Variants in RBFOX2 observed in about 807,000 individuals in gnomAD.
RBFOX2 encodes RNA binding fox-1 homolog 2.
RBFOX2 carries 10 observed loss-of-function variants against 49.1 expected under a neutral mutation model. That is an observed-to-expected ratio of 0.20 (90% confidence interval 0.13 to 0.35). The LOEUF (loss-of-function observed/expected upper bound fraction) is 0.35, where lower values mean the gene tolerates loss of function less well. Among genes scored for constraint, RBFOX2 ranks in the 10% least tolerant of loss-of-function variants. The probability of loss-of-function intolerance (pLI) is 1.00; values close to 1 mark genes in which losing one functional copy is unlikely to be tolerated. For missense variants in RBFOX2, 323 were observed against 486.9 expected (o/e 0.66, Z 3.17); for synonymous variants, 183 against 187.4 (o/e 0.98, Z 0.19).
At chr22:36,010,229 ATCTCTCGACTGCTAGGACAGGCGCTT>A (rs938871236) in intron 1 of RBFOX2, among the ~76,000 whole-genome samples, 3 of 151,966 alleles carry the variant, frequency 2.0e-5, no homozygotes, top group African/African-American at 7.3e-5. Context: ...CTGCCAACCC[ATCTCTCGACTGCTAGGACAGGCGCTT>A]TCTGCTATCA....
chr22:35,846,160 A>G (rs1294565680), intron 1 of RBFOX2, among the ~76,000 whole-genome samples: 1 of 150,008 alleles, frequency 6.7e-6, no homozygotes, highest in East Asian at 1.9e-4. Context: ...ATATAATTAC[A>G]TACACTATAA....
chr22:35,901,049 C>T (rs1433836461), intron 1 of RBFOX2, among the ~76,000 whole-genome samples: 2 of 152,218 alleles, frequency 1.3e-5, no homozygotes, highest in Non-Finnish European at 2.9e-5. Context: ...TATTATGTGC[C>T]ACAACTTTGC....
At chr22:35,744,389 TG>T in intron 11 of RBFOX2, 140 bp from the exon 14 acceptor site, 1 of 761,262 alleles carries the variant, frequency 1.3e-6, no homozygotes. Flanking sequence ...CCTTGTGCAG[TG>T]AAGTCAGGAA....
At chr22:35,947,672 T>TAAAAAAAAAAAAAAAAAAA (rs559788717) in intron 1 of RBFOX2, among the ~76,000 whole-genome samples, 1 of 34,144 alleles carries the variant, frequency 2.9e-5, no homozygotes, top group Non-Finnish European at 5.5e-5. Context: ...GTTTAAAAAG[T>TAAAAAAAAAAAAAAAAAAA]AAAAAAAAAA....
At chr22:35,949,668 T>C (rs775075105) in intron 1 of RBFOX2, among the ~76,000 whole-genome samples, 3 of 152,230 alleles carry the variant, frequency 2.0e-5, no homozygotes, top group Non-Finnish European at 2.9e-5. Flanking sequence ...TCTTTTCATG[T>C]CCTTTTCATC....
intron 1 of RBFOX2, among the ~76,000 whole-genome samples, chr22:35,972,434 CA>C (rs386395333): frequency 1.5e-3 from 202 of 139,294 alleles, no homozygotes; most frequent in Middle Eastern, 3.7e-3. Flanking sequence ...AATGCTTCCT[CA>C]AAAAAAAAAA....
At chr22:35,853,002 T>C (rs903470462) in intron 1 of RBFOX2, among the ~76,000 whole-genome samples, 2 of 151,944 alleles carry the variant, frequency 1.3e-5, no homozygotes, top group Non-Finnish European at 2.9e-5. Flanking sequence ...CATTATTAAA[T>C]GAAAAAAATT....
chr22:36,025,768 C>A (rs962510483), intron 1 of RBFOX2, among the ~76,000 whole-genome samples: 4 of 152,180 alleles, frequency 2.6e-5, no homozygotes, highest in African/African-American at 9.7e-5. Context: ...GTGCCTCACA[C>A]CTGTAATCCC....
chr22:36,028,535 C>T (rs2059539605), exon 1 of RBFOX2: 1 of 958,602 alleles, frequency 1.0e-6, no homozygotes, highest in Non-Finnish European at 1.2e-6. Context: ...TGCCCCCGCC[C>T]CCGCGTGCGT....
chr22:35,856,695 TGGA>T (rs936655052), intron 1 of RBFOX2, among the ~76,000 whole-genome samples: 5 of 131,574 alleles, frequency 3.8e-5, no homozygotes, highest in Middle Eastern at 4.2e-3. Context: ...GGACAGGGGG[TGGA>T]GGAGGAAGAT....
At chr22:35,921,386 A>G (rs1310320948) in intron 1 of RBFOX2, among the ~76,000 whole-genome samples, 1 of 152,228 alleles carries the variant, frequency 6.6e-6, no homozygotes, top group Admixed American at 6.5e-5. Context: ...TTTCTGATTC[A>G]GTAAGTCTGG....
intron 1 of RBFOX2, among the ~76,000 whole-genome samples, chr22:35,829,752 C>A (rs1194896911): frequency 6.6e-6 from 1 of 152,114 alleles, no homozygotes; most frequent in Non-Finnish European, 1.5e-5. Flanking sequence ...GCTCAATATA[C>A]CACATTTGGT....
chr22:35,939,817 T>C (rs2149751564), upstream of RBFOX2, among the ~76,000 whole-genome samples: 1 of 152,210 alleles, frequency 6.6e-6, no homozygotes, highest in Non-Finnish European at 1.5e-5. Flanking sequence ...TATTAATATT[T>C]TCCAAGCACT....
At chr22:35,899,842 T>C (rs1339354173) in intron 1 of RBFOX2, among the ~76,000 whole-genome samples, 2 of 152,190 alleles carry the variant, frequency 1.3e-5, no homozygotes, top group African/African-American at 4.8e-5. Flanking sequence ...ACCCTATCTG[T>C]TAGTTCAGAG....
chr22:35,900,788 C>T (rs2048473869), intron 1 of RBFOX2, among the ~76,000 whole-genome samples: 1 of 152,138 alleles, frequency 6.6e-6, no homozygotes. Context: ...CCACCCTAGA[C>T]TTACAAAATC....
intron 1 of RBFOX2, among the ~76,000 whole-genome samples, chr22:35,851,029 T>G (rs1027467252): frequency 6.6e-6 from 1 of 152,228 alleles, no homozygotes; most frequent in Non-Finnish European, 1.5e-5. Context: ...GAGGATTAAA[T>G]GCAACTGTGA....
intron 1 of RBFOX2, among the ~76,000 whole-genome samples, chr22:35,974,404 G>A (rs761104850): frequency 3.3e-5 from 5 of 152,114 alleles, no homozygotes; most frequent in African/African-American, 4.8e-5. Context: ...AACAGGCTAG[G>A]CCAGGCACAG....
At chr22:35,740,972 C>T (rs1423704110) in exon 12 of RBFOX2, 3 of 152,168 alleles carry the variant, frequency 2.0e-5, no homozygotes, top group African/African-American at 7.2e-5. Flanking sequence ...CCACTAGCTC[C>T]CCTCAGACTA....
upstream of RBFOX2, among the ~76,000 whole-genome samples, chr22:35,940,562 T>A (rs144606679): frequency 2.6e-5 from 4 of 152,158 alleles, no homozygotes; most frequent in African/African-American, 9.6e-5. Context: ...TAGAGTTATA[T>A]GACCCAGCAA....
Sources: gnomAD v4.1 joint callset for allele counts (sites outside exome capture counted in the v4.1 genomes callset) on GRCh38, gnomAD v4.1.1 for gene constraint, MANE v1.5 for transcripts, NCBI Gene and HGNC (gene_info 2026-07-23, HGNC 2026-07-21) for gene names.